ZACN: variants seen among roughly 807,000 people sequenced by gnomAD.
The protein encoded by ZACN is zinc activated ion channel.
ZACN carries 52 observed loss-of-function variants against 38.9 expected under a neutral mutation model. That is an observed-to-expected ratio of 1.34 (90% CI 1.07 to 1.68). ZACN has a LOEUF of 1.68. Among genes scored for constraint, ZACN ranks in the 40% most tolerant of loss-of-function variants. ZACN has a pLI of 0.00. For synonymous variants in ZACN, 235 were observed against 227.4 expected, an observed-to-expected ratio of 1.03 and a Z score of -0.30; for missense variants, 559 against 525.6, an observed-to-expected ratio of 1.06 and a Z score of -0.62.
chr17:76,079,994 CGTAA>C lies in ZACN; in HGVS notation c.374+3_374+6del, dbSNP rs549500563. ...ACACCAAGGCTCACCATCCTGGAGG[CGTAA>C]GTGAGACAGTTCCTGCCCCAGGAAT... is the stretch of plus-strand genomic sequence containing the variant. On this transcript the variant is annotated splice_donor_variant and splice_donor_region_variant and intron_variant, in intron 4 of 8. Transcript: ENST00000334586. LOFTEE classifies it high-confidence loss of function. 1.7e-4 allele frequency: 262 copies of C among 1,573,192 alleles called. 1 individual carries two copies. The highest frequency in any genetic ancestry group is 6.9e-4 in the Admixed American group (38 of 55,202).
Position 76,081,378 on chromosome 17 carries a change from G to C in ZACN, c.645G>C (p.Gln215His). ...YDLKTQVPPQQLVPCFQVTLR... is the reference protein window; with the variant it reads ...YDLKTQVPPQHLVPCFQVTLR... ...TGAAGACCCAAGTCCCACCCCAGCA[G>C]CTGGTGCCCTGCTTCCAGGTGACGG... Residue 215 changes from glutamine to histidine, a missense_variant, in exon 6 of 9, where the codon CAG (glutamine) becomes CAC (histidine). Gln to His is a conservative substitution (Grantham distance 24, BLOSUM62 0). Transcript: ENST00000334586. 1.9e-6 allele frequency: 3 copies of C among 1,614,148 alleles called. No individual in the cohort carries two copies. Among genetic ancestry groups the C allele is most frequent in the South Asian group, 2.2e-5 (2 of 91,086 alleles).
rs765075896 is a variant in ZACN, at chr17:76,082,592, C to T, written c.1178C>T (p.Ala393Val). 16 of 1,613,458 alleles carry T rather than the reference C, an allele frequency of 9.9e-6. No individual in the cohort carries two copies. The Admixed American group carries it at 1.7e-4, about 17-fold the overall frequency. ...FVFAGIWMWA[A>V]CKSDAAPGEA... ...TTTGCAGGAATCTGGATGTGGGCAG[C>T]GTGCAAGTCTGACGCAGCCCCTGGA... The change falls in exon 9 of 9, where the codon GCG (alanine) becomes GTG (valine). Residue 393 changes from alanine (A) to valine (V), a missense_variant. Transcript: ENST00000334586.
chr17:76,081,203 TCCAGTCTGCTACCCCCAGA>T, intron 5 of ZACN, 56 bp from the exon 6 acceptor site: 1 of 1,589,054 alleles, frequency 6.3e-7, no homozygotes, highest in Non-Finnish European at 8.6e-7. Flanking sequence ...ACCCCTGGGC[TCCAGTCTGCTACCCCCAGA>T]CTTGGCAGCT....
Position 76,079,239 on chromosome 17 carries a change from C to G in ZACN, c.-26C>G. On this transcript the variant is annotated 5_prime_UTR_variant, in exon 1 of 9. Coordinates refer to ENST00000334586, the MANE Select transcript of ZACN (RefSeq NM_180990.4). ...AGAGGTTGTAGCTTAGGCACCGCTGCTCCCTCCAGTCCCTCCGTGCAGCCG... is the reference window on the plus strand; with the variant it reads ...AGAGGTTGTAGCTTAGGCACCGCTGGTCCCTCCAGTCCCTCCGTGCAGCCG... The G allele has an allele frequency of 1.3e-6, 2 of 1,592,892 alleles. No individual in the cohort carries two copies. The highest frequency in any genetic ancestry group is 1.7e-6 in the Non-Finnish European group (2 of 1,166,374).
chr17:76,080,506 G>T, intron 5 of ZACN, 82 bp downstream of exon 5: 3 of 1,565,748 alleles, frequency 1.9e-6, no homozygotes, highest in Non-Finnish European at 2.6e-6. Flanking sequence ...GTGGTGCAGG[G>T]GCAGGGTGCG....
chr17:76,079,524 C>G lies in ZACN; in HGVS notation c.183C>G (p.Leu61=), dbSNP rs544704081. Residue 61 remains leucine, a synonymous_variant, in exon 2 of 9, where the codon CTC becomes CTG. Transcript: ENST00000334586. ...QIPNNGSAPL[L]VDVRVFVSNV... is the part of the protein sequence containing the mutation. The stretch of plus-strand genomic sequence containing the variant: ...CGAACAATGGGAGTGCGCCCCTGCT[C>G]GTGGATGTGCGGGTGTTTGTCTCCA... The G allele has an allele frequency of 1.2e-6, 2 of 1,614,164 alleles. No individual in the cohort carries two copies. The highest frequency in any genetic ancestry group is 4.5e-5 in the East Asian group (2 of 44,880).
rs767369674 is a variant in ZACN, at chr17:76,082,011, A to G, written c.1010A>G (p.Gln337Arg). The G allele has an allele frequency of 3.1e-6, 5 of 1,611,424 alleles. No homozygotes were observed. The highest frequency in any genetic ancestry group is 1.1e-5 in the South Asian group (1 of 90,970). ...CCCAGCCCAGCCCCGAGAGGGGAACAGCGAGAGCACGGCAACCCAGGGCCT... is the reference window on the plus strand; with the variant it reads ...CCCAGCCCAGCCCCGAGAGGGGAACGGCGAGAGCACGGCAACCCAGGGCCT... ...SGPSPAPRGE[Q>R]REHGNPGPHP... The change falls in exon 8 of 9, where the codon CAG becomes CGG. Residue 337 changes from glutamine (Q) to arginine (R), a missense_variant. By Grantham distance (43) the Gln-to-Arg change is conservative. Coordinates refer to ENST00000334586, the MANE Select transcript of ZACN (RefSeq NM_180990.4).
At position 76,080,339 on chromosome 17, in the gene ZACN, G is replaced by A. The variant is rs375294185; in HGVS notation, c.459G>A (p.Thr153=). The A allele has an allele frequency of 1.7e-5, 27 of 1,613,768 alleles. No homozygotes were observed. The African/African-American group carries it at 2.4e-4, about 14-fold the overall frequency. The change falls in exon 5 of 9, where the codon ACG becomes ACA. Residue 153 remains threonine (T), a synonymous_variant. Coordinates refer to ENST00000334586, the MANE Select transcript of ZACN (RefSeq NM_180990.4). ...TGAAGCTCAACCTGGCCCTCGCCAC[G>A]GAGACCAACTGCAACTTTGAGCTCC... ...GHVKLNLALA[T]ETNCNFELLH... is the part of the protein sequence containing the mutation.
In ZACN at chr17:76,079,235, G is replaced by A. The variant is rs370542920; in HGVS notation, c.-30G>A. The A allele has an allele frequency of 2.7e-5, 43 of 1,586,654 alleles. No homozygotes were observed. Among genetic ancestry groups the A allele is most frequent in the Middle Eastern group, 1.8e-4 (1 of 5,426 alleles). On this transcript the variant is annotated 5_prime_UTR_variant, in exon 1 of 9. Coordinates refer to ENST00000334586, the MANE Select transcript of ZACN (RefSeq NM_180990.4). ...GAATAGAGGTTGTAGCTTAGGCACCGCTGCTCCCTCCAGTCCCTCCGTGCA... is the reference window on the plus strand; with the variant it reads ...GAATAGAGGTTGTAGCTTAGGCACCACTGCTCCCTCCAGTCCCTCCGTGCA...
chr17:76,081,972 G>A lies in ZACN; in HGVS notation c.971G>A (p.Gly324Glu), dbSNP rs1420391847. 6.2e-7 allele frequency: 1 copy of A among 1,612,668 alleles called. No homozygotes were observed. The highest frequency in any genetic ancestry group is 8.5e-7 in the Non-Finnish European group (1 of 1,179,812). ...GGGCTGCTGGCCCGGGGCAACCTTGGGGCCAAGAGCGGCCCCAGCCCAGCC... is the reference window on the plus strand; with the variant it reads ...GGGCTGCTGGCCCGGGGCAACCTTGAGGCCAAGAGCGGCCCCAGCCCAGCC... ...LAGLLARGNLGAKSGPSPAPR... is the reference protein window; with the variant it reads ...LAGLLARGNLEAKSGPSPAPR... The change falls in exon 8 of 9, where the codon GGG (glycine) becomes GAG (glutamate). Residue 324 changes from glycine to glutamate, a missense_variant. Physicochemically the swap from Gly to Glu is moderately conservative, Grantham distance 98 (BLOSUM62 -2). Transcript: ENST00000334586.
chr17:76,082,195 C>A, intron 8 of ZACN, 146 bp downstream of exon 8: 1 of 1,084,768 alleles, frequency 9.2e-7, no homozygotes, highest in Non-Finnish European at 1.3e-6. Flanking sequence ...GTCCTCCTCC[C>A]TTAGAAGAAA....
At chr17:76,080,057 C>T (rs2066925226) in intron 4 of ZACN, 63 bp downstream of exon 4, 1 of 1,516,244 alleles carries the variant, frequency 6.6e-7, no homozygotes, top group Admixed American at 2.0e-5. Flanking sequence ...CCCCCATCTA[C>T]AACCTAGAGG....
intron 8 of ZACN, 111 bp downstream of exon 8, chr17:76,082,160 C>A: frequency 1.5e-6 from 2 of 1,310,486 alleles, no homozygotes; most frequent in Non-Finnish European, 2.1e-6. Context: ...ACCCTGCTGG[C>A]TCTCCTGTCC....
chr17:76,080,376 C>CG lies in ZACN; in HGVS notation c.499dup (p.Asp167GlyfsTer40). The CG allele has an allele frequency of 6.2e-7, 1 of 1,614,106 alleles. No individual in the cohort carries two copies. The highest frequency in any genetic ancestry group is 8.5e-7 in the Non-Finnish European group (1 of 1,180,020). On this transcript the variant is annotated frameshift_variant, in exon 5 of 9. Transcript: ENST00000334586. LOFTEE classifies it high-confidence loss of function. ...CAACTTTGAGCTCCTCCACTTCCCCCGGGACCACAGCAACTGCAGCCTCAG... is the reference window on the plus strand; with the variant it reads ...CAACTTTGAGCTCCTCCACTTCCCCCGGGGACCACAGCAACTGCAGCCTCAG...
Position 76,080,370 on chromosome 17 carries a change from T to C in ZACN, c.490T>C (p.Phe164Leu), listed in dbSNP as rs1286978306. ...CAACTGCAACTTTGAGCTCCTCCAC[T>C]TCCCCCGGGACCACAGCAACTGCAG... ...ETNCNFELLH[F>L]PRDHSNCSLS... is the part of the protein sequence containing the mutation. The change falls in exon 5 of 9, where the codon TTC becomes CTC. Residue 164 changes from phenylalanine (F) to leucine (L), a missense_variant. Physicochemically the swap from Phe to Leu is conservative, Grantham distance 22 (BLOSUM62 0). Transcript: ENST00000334586. 1.2e-6 allele frequency: 2 copies of C among 1,613,250 alleles called. No individual in the cohort carries two copies. The highest frequency in any genetic ancestry group is 1.7e-6 in the Non-Finnish European group (2 of 1,179,550).
intron 5 of ZACN, chr17:76,080,650 T>C (rs2066938071): frequency 1.4e-6 from 1 of 692,992 alleles, no homozygotes; most frequent in Non-Finnish European, 2.6e-6. Flanking sequence ...CCCATCTCTG[T>C]GCTCAGCGGT....
intron 4 of ZACN, 52 bp downstream of exon 4, chr17:76,080,046 TC>T (rs34700740): frequency 0.57 from 869,607 of 1,522,934 alleles, 259,508 homozygotes; most frequent in South Asian, 0.68. Flanking sequence ...GCCCTCCTTT[TC>T]CCCCATCTAC....
In ZACN at chr17:76,080,220, G is replaced by A. The variant is rs1449048036; in HGVS notation, c.375-35G>A. 1.9e-6 allele frequency: 3 copies of A among 1,589,898 alleles called. No homozygotes were observed. The Admixed American group carries it at 5.2e-5, about 27-fold the overall frequency. ...CTCCCCCCGGCCCCGTCCAAGAAGG[G>A]GCTGGGGCTCTGGCTGTGGTGCCTT... On this transcript the variant is annotated intron_variant, in intron 4 of 8. Coordinates refer to ENST00000334586, the MANE Select transcript of ZACN (RefSeq NM_180990.4).
chr17:76,081,670 G>A lies in ZACN; in HGVS notation c.795G>A (p.Lys265=). The A allele has an allele frequency of 6.2e-7, 1 of 1,614,140 alleles. No individual in the cohort carries two copies. Among genetic ancestry groups the A allele is most frequent in the Non-Finnish European group, 8.5e-7 (1 of 1,180,028 alleles). ...GGGCCATTGAGCGCATAGGCTACAA[G>A]GTGACATTGCTGCTGAGTTACCTCG... ...PLRAIERIGY[K]VTLLLSYLVL... The change falls in exon 7 of 9, where the codon AAG becomes AAA. Residue 265 remains lysine (K), a synonymous_variant. Transcript: ENST00000334586.
Sources: allele counts gnomAD v4.1 joint callset, GRCh38; gene constraint gnomAD v4.1.1; transcripts MANE v1.5; gene names NCBI Gene and HGNC (gene_info 2026-07-23, HGNC 2026-07-21).